Variants in NRG2 observed in about 807,000 individuals in gnomAD.
NRG2 encodes the protein pro-neuregulin-2, membrane-bound isoform.
Under a neutral mutation model 73.9 loss-of-function variants are expected in NRG2, and 27 were observed. The ratio of observed to expected loss-of-function variants is 0.37; its 90% CI spans 0.27 to 0.50. The LOEUF (loss-of-function observed/expected upper bound fraction) is 0.50. NRG2 is among the 20% of genes least tolerant of loss of function. NRG2 has a pLI of 0.96. For synonymous variants in NRG2, 532 were observed against 541.0 expected, an observed-to-expected ratio of 0.98 and a Z score of 0.23; for missense variants, 1,126 against 1,210.1, an observed-to-expected ratio of 0.93 and a Z score of 1.03.
At chr5:139,928,109 G>A (rs1260566255) in intron 1 of NRG2, among the ~76,000 whole-genome samples, 4 of 152,108 alleles carry the variant, frequency 2.6e-5, no homozygotes, top group Non-Finnish European at 4.4e-5. Context: ...GATACAAAAA[G>A]GAGCTCCCTT....
intron 1 of NRG2, among the ~76,000 whole-genome samples, chr5:140,040,812 T>G (rs944590489): frequency 2.9e-4 from 44 of 152,332 alleles, no homozygotes; most frequent in African/African-American, 9.9e-4. Context: ...TCTTAGCTGG[T>G]CTCTACTTGT....
chr5:139,875,790 G>A (rs1427927781), intron 3 of NRG2, among the ~76,000 whole-genome samples: 1 of 152,154 alleles, frequency 6.6e-6, no homozygotes, highest in Non-Finnish European at 1.5e-5. Context: ...CACACACTCT[G>A]AGATACCACT....
intron 1 of NRG2, among the ~76,000 whole-genome samples, chr5:139,931,484 C>T (rs1279899730): frequency 5.3e-5 from 8 of 151,976 alleles, no homozygotes; most frequent in Non-Finnish European, 8.8e-5. Context: ...TCCCCTGGTC[C>T]GAGGCTACAA....
chr5:139,847,031 T>C lies in NRG2; in HGVS notation c.*886A>G, dbSNP rs1761042030. 1 of 152,212 alleles carries C rather than the reference T, an allele frequency of 6.6e-6. No individual in the cohort carries two copies. The highest frequency in any genetic ancestry group is 2.1e-4 in the South Asian group (1 of 4,814). 9.4% of individuals were successfully genotyped at this position (152,212 alleles called of 1,614,324 possible). Reference sequence around the variant, plus strand: ...CCTGTGAGAAGGAAATGGTGTTACTTTATTGCTAAAAGGGGAATACACTGT... The same window carrying C: ...CCTGTGAGAAGGAAATGGTGTTACTCTATTGCTAAAAGGGGAATACACTGT... On this transcript the variant is annotated 3_prime_UTR_variant, in exon 10 of 10. Coordinates refer to ENST00000361474, the MANE Select transcript of NRG2 (RefSeq NM_004883.3).
At chr5:139,951,745 A>G (rs1004158499) in intron 1 of NRG2, among the ~76,000 whole-genome samples, 3 of 152,206 alleles carry the variant, frequency 2.0e-5, no homozygotes, top group Non-Finnish European at 4.4e-5. Context: ...CCAACCATGC[A>G]GAAAACCCAA....
chr5:140,023,146 C>A (rs1195270808), intron 1 of NRG2, among the ~76,000 whole-genome samples: 1 of 152,244 alleles, frequency 6.6e-6, no homozygotes, highest in South Asian at 2.1e-4. Flanking sequence ...CTATCATATC[C>A]CTGCTCCAAT....
chr5:139,904,242 C>T lies in NRG2; in HGVS notation c.701-16731G>A. 2.0e-6 allele frequency: 3 copies of T among 1,523,434 alleles called. No individual in the cohort carries two copies. Among genetic ancestry groups the T allele is most frequent in the South Asian group, 2.5e-5 (2 of 80,760 alleles). The allele number at this position is 1,523,434 out of a possible 1,614,324, so 94.4% of individuals were successfully genotyped here. A position where few individuals can be genotyped will look rare whatever the true frequency, so the allele number is the denominator to read the frequency against. ...AGACTCACCCGCGCTGCGCTGGGGG[C>T]GGGTGAGCGGGCGGCAGGTTTCTCC... On this transcript the variant is annotated intron_variant, in intron 1 of 9. Coordinates refer to ENST00000361474, the MANE Select transcript of NRG2 (RefSeq NM_004883.3). This position sits in a 1 kb window ranked among gnomAD's most constrained non-coding sequence, Gnocchi z 6.0.
At chr5:139,909,790 T>TG (rs1765467682) in intron 1 of NRG2, among the ~76,000 whole-genome samples, 1 of 152,086 alleles carries the variant, frequency 6.6e-6, no homozygotes, top group South Asian at 2.1e-4. Context: ...TAGGATGCAG[T>TG]GGGGGCCTGG....
intron 1 of NRG2, among the ~76,000 whole-genome samples, chr5:139,935,581 T>C (rs1752785459): frequency 6.6e-6 from 1 of 152,160 alleles, no homozygotes; most frequent in African/African-American, 2.4e-5. Flanking sequence ...AGCACCCAAA[T>C]ACTTACATAT....
chr5:140,001,863 T>C (rs1159987835), intron 1 of NRG2, among the ~76,000 whole-genome samples: 1 of 152,000 alleles, frequency 6.6e-6, no homozygotes. Flanking sequence ...ACCCTGTCTC[T>C]AAAATAAGTA....
chr5:139,912,180 C>A (rs1392546535), intron 1 of NRG2, among the ~76,000 whole-genome samples: 2 of 152,192 alleles, frequency 1.3e-5, no homozygotes, highest in East Asian at 3.8e-4. Flanking sequence ...GGGGGATCCT[C>A]TAGAAGGATG....
intron 1 of NRG2, among the ~76,000 whole-genome samples, chr5:139,892,550 C>T (rs1203501133): frequency 1.3e-5 from 2 of 152,104 alleles, no homozygotes; most frequent in African/African-American, 4.8e-5. Flanking sequence ...GCTAGATCGG[C>T]CCCTCACCTA....
chr5:140,013,785 C>G (rs1349022723), intron 1 of NRG2, among the ~76,000 whole-genome samples: 1 of 152,178 alleles, frequency 6.6e-6, no homozygotes, highest in Non-Finnish European at 1.5e-5. Context: ...GGTTAGTACT[C>G]ATCTAACTTG....
intron 1 of NRG2, among the ~76,000 whole-genome samples, chr5:139,891,713 G>A (rs1344796992): frequency 6.6e-6 from 1 of 152,124 alleles, no homozygotes; most frequent in Non-Finnish European, 1.5e-5. Context: ...CTATATGGCT[G>A]GAAGATAGTA....
rs1045353976 is a variant in NRG2, at chr5:139,915,020, G to T, written c.701-27509C>A. Reference sequence around the variant, plus strand: ...TCACCTCATCTTTCCCATCCTCAAGGTTGCGATCCCTGCACTCCCATACAT... The same window carrying T: ...TCACCTCATCTTTCCCATCCTCAAGTTTGCGATCCCTGCACTCCCATACAT... On this transcript the variant is annotated intron_variant, in intron 1 of 9. Transcript: ENST00000361474. The surrounding 1 kb of genome is among the most constrained non-coding windows in gnomAD (Gnocchi z 4.0). Among the ~76,000 whole-genome samples, 7 of 152,162 alleles carry T rather than the reference G, an allele frequency of 4.6e-5. No individual in the cohort carries two copies. The highest frequency in any genetic ancestry group is 4.6e-4 in the Admixed American group (7 of 15,280).
intron 1 of NRG2, among the ~76,000 whole-genome samples, chr5:139,891,017 C>T (rs1370179402): frequency 6.6e-6 from 1 of 152,176 alleles, no homozygotes; most frequent in Non-Finnish European, 1.5e-5. Context: ...TTATCAGGTG[C>T]TAAAGTTTCC....
chr5:139,922,087 A>T (rs1751711871), intron 1 of NRG2, among the ~76,000 whole-genome samples: 1 of 151,522 alleles, frequency 6.6e-6, no homozygotes, highest in Non-Finnish European at 1.5e-5. Context: ...AAAAAAAAAA[A>T]AAAATTAAAA....
chr5:139,928,724 A>G (rs562208116), intron 1 of NRG2, among the ~76,000 whole-genome samples: 123 of 152,176 alleles, frequency 8.1e-4, no homozygotes, highest in Non-Finnish European at 1.7e-3. Flanking sequence ...CAGCCACTAC[A>G]AATGGAACTT....
chr5:139,888,878 C>T (rs898992835), intron 1 of NRG2, among the ~76,000 whole-genome samples: 10 of 152,158 alleles, frequency 6.6e-5, no homozygotes, highest in African/African-American at 2.4e-4. Flanking sequence ...CACCTCCCCC[C>T]ATTTTTAAAC....
Sources: allele counts gnomAD v4.1 joint callset (sites outside exome capture counted in the v4.1 genomes callset), GRCh38; gene constraint gnomAD v4.1.1; non-coding constraint Gnocchi (gnomAD v3.1); transcripts MANE v1.5; gene names NCBI Gene and HGNC (gene_info 2026-07-23, HGNC 2026-07-21).